Variants in DACH2 observed in about 807,000 individuals in gnomAD.
DACH2 encodes the protein dachshund homolog 2.
Under a neutral mutation model 35.8 loss-of-function variants are expected in DACH2, and 17 were observed. That is an observed-to-expected ratio of 0.48 (90% CI 0.33 to 0.71). The LOEUF is 0.71. Ranked by LOEUF, DACH2 falls within the 30% of genes least tolerant of loss-of-function variation. DACH2 has a pLI of 0.02. For synonymous variants in DACH2, 195 were observed against 177.3 expected (o/e 1.10, Z -0.79); for missense variants, 469 against 472.7 (o/e 0.99, Z 0.07).
At chrX:86,215,602 TTTGA>T (rs2032553014) in intron 1 of DACH2, among the ~76,000 whole-genome samples, 1 of 111,754 alleles carries the variant, frequency 8.9e-6, no homozygotes, top group African/African-American at 3.3e-5. Flanking sequence ...CCTAGTTTCC[TTTGA>T]TTGAGGTTAC....
intron 3 of DACH2, among the ~76,000 whole-genome samples, chrX:86,546,348 T>TCTTCC: frequency 1.3e-5 from 1 of 74,620 alleles, no homozygotes; most frequent in African/African-American, 5.9e-5. Flanking sequence ...CCTCTTCTTC[T>TCTTCC]TCTTCTTCCT....
intron 2 of DACH2, among the ~76,000 whole-genome samples, chrX:86,417,089 C>CA (rs386417185): frequency 0.59 from 13,463 of 22,969 alleles, 5,028 homozygotes; most frequent in Admixed American, 0.66. Context: ...GACTCCATCT[C>CA]AAAAAAAAAA....
intron 2 of DACH2, among the ~76,000 whole-genome samples, chrX:86,445,063 G>A (rs910145119): frequency 5.4e-5 from 6 of 110,700 alleles, no homozygotes; most frequent in African/African-American, 1.6e-4. Flanking sequence ...TTCTTTTTGC[G>A]GGGGTTTAAT....
chrX:86,208,894 CCTT>C (rs1411456956), intron 1 of DACH2, among the ~76,000 whole-genome samples: 47 of 111,586 alleles, frequency 4.2e-4, no homozygotes, highest in African/African-American at 1.5e-3. Context: ...TCATCTGAGT[CCTT>C]CTACTATTGC....
Position 86,190,613 on chromosome X carries a change from C to T in DACH2, c.488+41505C>T, listed in dbSNP as rs182341164. On this transcript the variant is annotated intron_variant, in intron 1 of 11. Transcript: ENST00000373125. ...ATTAGAGAAATGCAAATCAAAATCTCAATGAGACCATCTCATATCAGTCAA... is the reference window on the plus strand; with the variant it reads ...ATTAGAGAAATGCAAATCAAAATCTTAATGAGACCATCTCATATCAGTCAA... Among the ~76,000 whole-genome samples the T allele has an allele frequency of 2.2e-4, 25 of 112,282 alleles. No homozygotes were observed. In the East Asian group the frequency reaches 5.6e-3, roughly 25 times the overall value.
At chrX:86,598,976 C>T (rs1009804517) in intron 3 of DACH2, among the ~76,000 whole-genome samples, 2 of 109,625 alleles carry the variant, frequency 1.8e-5, no homozygotes, top group African/African-American at 6.7e-5. Context: ...ACGACAGGCC[C>T]CAGTGTGTGA....
At chrX:86,524,052 A>G (rs1054749697) in intron 3 of DACH2, among the ~76,000 whole-genome samples, 3 of 112,705 alleles carry the variant, frequency 2.7e-5, no homozygotes, top group South Asian at 7.2e-4. Context: ...AATTCCTCCA[A>G]AATTTACCTT....
chrX:86,307,628 G>A (rs1402879049), intron 1 of DACH2, among the ~76,000 whole-genome samples: 1 of 111,150 alleles, frequency 9.0e-6, no homozygotes, highest in Non-Finnish European at 1.9e-5. Flanking sequence ...CTCCAGTGAG[G>A]CAGTTGCCAG....
rs760148938 is a variant in DACH2, at chrX:86,251,340, T to C, written c.488+102232T>C. Among the ~76,000 whole-genome samples the C allele has an allele frequency of 8.3e-4, 92 of 111,196 alleles. 2 individuals are homozygous for C. Among genetic ancestry groups the C allele is most frequent in the African/African-American group, 2.8e-3 (87 of 30,699 alleles). On this transcript the variant is annotated intron_variant, in intron 1 of 11. Coordinates refer to ENST00000373125, the MANE Select transcript of DACH2 (RefSeq NM_053281.3). ...CTCTGTTATTTCATTGACAATCGTT[T>C]TAAATTTTTATTTCCATAGGTTTTT...
chrX:86,649,576 T>A (rs1928651840), intron 3 of DACH2, among the ~76,000 whole-genome samples: 1 of 111,362 alleles, frequency 9.0e-6, no homozygotes, highest in African/African-American at 3.3e-5. Flanking sequence ...ATCAAGATAA[T>A]GTACAAATGT....
chrX:86,492,994 G>T (rs750988330), intron 2 of DACH2, among the ~76,000 whole-genome samples: 1 of 111,410 alleles, frequency 9.0e-6, no homozygotes, highest in East Asian at 2.8e-4. Context: ...GGGTCAAATG[G>T]TAGTTCTGTT....
chrX:86,605,353 ATTCT>A (rs1429047188), intron 3 of DACH2, among the ~76,000 whole-genome samples: 1 of 111,134 alleles, frequency 9.0e-6, no homozygotes, highest in African/African-American at 3.3e-5. Flanking sequence ...TGTGTAACAA[ATTCT>A]TTATTTTGCC....
In DACH2 at chrX:86,694,929, A is replaced by G. The variant is rs760084087; in HGVS notation, c.773-92A>G. 268 of 599,789 alleles carry G rather than the reference A, an allele frequency of 4.5e-4. No homozygotes were observed. The African/African-American group carries it at 5.8e-3, about 13-fold the overall frequency. 49.4% of individuals were successfully genotyped at this position (599,789 alleles called of 1,213,427 possible). A position where few individuals can be genotyped will look rare whatever the true frequency, so the allele number is the denominator to read the frequency against. On this transcript the variant is annotated intron_variant, in intron 4 of 11. Coordinates refer to ENST00000373125, the MANE Select transcript of DACH2 (RefSeq NM_053281.3). ...GTTCAATAATAATTTCCTAAGAGGTAGTATTCATGATTACAGCCCTAAAAG... is the reference window on the plus strand; with the variant it reads ...GTTCAATAATAATTTCCTAAGAGGTGGTATTCATGATTACAGCCCTAAAAG...
chrX:86,150,217 G>T (rs949828235), intron 1 of DACH2, among the ~76,000 whole-genome samples: 2 of 112,372 alleles, frequency 1.8e-5, no homozygotes, highest in African/African-American at 6.5e-5. Context: ...GGAAAGCACA[G>T]ATTTGGCACA....
chrX:86,729,901 C>A (rs1206535323), intron 6 of DACH2, among the ~76,000 whole-genome samples: 1 of 111,435 alleles, frequency 9.0e-6, no homozygotes, highest in Non-Finnish European at 1.9e-5. Context: ...CCTGCAGAAC[C>A]ATGAGCCAAT....
chrX:86,510,810 AC>A (rs1481968062), intron 2 of DACH2, among the ~76,000 whole-genome samples: 1 of 111,759 alleles, frequency 8.9e-6, no homozygotes, highest in African/African-American at 3.2e-5. Context: ...TTGGATGGGA[AC>A]TTTGTAAAAA....
intron 1 of DACH2, among the ~76,000 whole-genome samples, chrX:86,356,634 T>C (rs1427643263): frequency 8.9e-6 from 1 of 111,734 alleles, no homozygotes; most frequent in Non-Finnish European, 1.9e-5. Context: ...AATATGGCCA[T>C]TTAAACAATA....
intron 5 of DACH2, among the ~76,000 whole-genome samples, chrX:86,711,538 G>C (rs974588476): frequency 1.8e-5 from 2 of 112,059 alleles, no homozygotes; most frequent in African/African-American, 6.5e-5. Context: ...CTATTAAAAG[G>C]CTACCTGTAT....
Position 86,249,252 on chromosome X carries a change from C to A in DACH2, c.488+100144C>A, listed in dbSNP as rs149042647. On this transcript the variant is annotated intron_variant, in intron 1 of 11. Transcript: ENST00000373125. ...TTTGCAAATCAAAAGAAACTATTAACAGAGTAAACAGACAGCCCACAGAAT... is the reference window on the plus strand; with the variant it reads ...TTTGCAAATCAAAAGAAACTATTAAAAGAGTAAACAGACAGCCCACAGAAT... Among the ~76,000 whole-genome samples, 122 of 111,278 alleles carry A rather than the reference C, an allele frequency of 1.1e-3. No homozygotes were observed. The East Asian group carries it at 0.032, about 29-fold the overall frequency.
Sources: allele counts gnomAD v4.1 joint callset (sites outside exome capture counted in the v4.1 genomes callset), GRCh38; gene constraint gnomAD v4.1.1; transcripts MANE v1.5; gene names NCBI Gene and HGNC (gene_info 2026-07-23, HGNC 2026-07-21).